Variants in LMO7 observed in about 807,000 individuals in gnomAD.
LMO7 encodes the protein LIM domain 7.
A neutral mutation model predicts 206.5 loss-of-function variants in LMO7; 120 were observed. The observed-to-expected ratio is 0.58, with a 90% CI of 0.50 to 0.68. The LOEUF (loss-of-function observed/expected upper bound fraction) is 0.68. Among genes scored for constraint, LMO7 ranks in the 30% least tolerant of loss-of-function variants. The probability of loss-of-function intolerance (pLI) is 0.00; values close to 1 mark genes in which losing one functional copy is unlikely to be tolerated. For missense variants in LMO7, 1,959 were observed against 1,957.9 expected, an observed-to-expected ratio of 1.00 and a Z score of -0.01; for synonymous variants, 706 against 681.5, an observed-to-expected ratio of 1.04 and a Z score of -0.56.
chr13:75,836,531 A>G (rs2059139549), intron 19 of LMO7, 74 bp downstream of exon 19: 5 of 787,766 alleles, frequency 6.3e-6, no homozygotes, highest in Admixed American at 3.4e-5. Context: ...TGTTATAAAA[A>G]TTAATATCTG....
At chr13:75,649,148 G>A (rs565481339) in intron 1 of LMO7, among the ~76,000 whole-genome samples, 3 of 152,204 alleles carry the variant, frequency 2.0e-5, no homozygotes, top group Middle Eastern at 3.2e-3. Context: ...TGATCTGAAG[G>A]TAGTAAGAAT....
Position 75,819,450 on chromosome 13 carries a change from AAAG to A in LMO7, c.2127_2129del (p.Glu710del), listed in dbSNP as rs867665543. On this transcript the variant is annotated inframe_deletion, in exon 13 of 31. Transcript: ENST00000377534. ...TTACACTTCAGATCTGCAGAAGAAA[AAAG>A]AAGAGAGAGAAGAAATTGAAAAGCA... 1.9e-6 allele frequency: 3 copies of A among 1,613,386 alleles called. No individual in the cohort carries two copies. Among genetic ancestry groups the A allele is most frequent in the Non-Finnish European group, 2.5e-6 (3 of 1,179,822 alleles).
chr13:75,821,217 A>C lies in LMO7; in HGVS notation c.2248A>C (p.Arg750=), dbSNP rs1488246558. The C allele has an allele frequency of 6.2e-7, 1 of 1,612,012 alleles. No homozygotes were observed. The highest frequency in any genetic ancestry group is 1.3e-5 in the African/African-American group (1 of 74,794). Residue 750 remains arginine (R), a synonymous_variant, in exon 14 of 31, where the codon AGA becomes CGA. Coordinates refer to ENST00000377534, the MANE Select transcript of LMO7 (RefSeq NM_001306080.2). ...NQKSTVPSRR[R]MYSFDDVLEE... is the part of the protein sequence containing the mutation. ...AAAGTCTACAGTTCCGTCAAGAAGG[A>C]GAATGTATTCTTTTGATGATGTGCT...
intron 7 of LMO7, among the ~76,000 whole-genome samples, chr13:75,803,514 T>C (rs2140983099): frequency 6.6e-6 from 1 of 152,346 alleles, no homozygotes; most frequent in African/African-American, 2.4e-5. Flanking sequence ...TTTTCTTCCT[T>C]TGTCTTTAAA....
At chr13:75,750,056 AT>A (rs894316313) in intron 3 of LMO7, among the ~76,000 whole-genome samples, 2 of 151,918 alleles carry the variant, frequency 1.3e-5, no homozygotes, top group Admixed American at 1.3e-4. Context: ...AAAATAATAG[AT>A]TAAAAAAAAA....
chr13:75,637,742 C>T (rs2036095154), intron 1 of LMO7, among the ~76,000 whole-genome samples: 1 of 152,112 alleles, frequency 6.6e-6, no homozygotes, highest in South Asian at 2.1e-4. Context: ...ATGTATTTTT[C>T]CTTAAAGAAA....
intron 1 of LMO7, among the ~76,000 whole-genome samples, chr13:75,652,473 T>G (rs1235844374): frequency 6.6e-6 from 1 of 152,196 alleles, no homozygotes; most frequent in Non-Finnish European, 1.5e-5. Flanking sequence ...TCCAAAAGTT[T>G]GTGCAATGTT....
chr13:75,833,606 G>A (rs2058869575), intron 16 of LMO7, among the ~76,000 whole-genome samples: 1 of 152,154 alleles, frequency 6.6e-6, no homozygotes, highest in African/African-American at 2.4e-5. Flanking sequence ...TCTGCAAAAG[G>A]ATTACCCCTC....
Position 75,636,629 on chromosome 13 carries a change from A to T in LMO7, c.-29A>T. ...CAACCCCTCCCCTCCACGCATCCCG[A>T]GTCTCTCTCTCCCTCCCTTGTCCTA... is the stretch of plus-strand genomic sequence containing the variant. On this transcript the variant is annotated 5_prime_UTR_variant, in exon 1 of 31. Transcript: ENST00000377534. The T allele has an allele frequency of 6.4e-7, 1 of 1,565,042 alleles. No individual in the cohort carries two copies. Among genetic ancestry groups the T allele is most frequent in the Non-Finnish European group, 8.7e-7 (1 of 1,155,434 alleles).
intron 6 of LMO7, among the ~76,000 whole-genome samples, chr13:75,798,863 G>A (rs1265856683): frequency 6.6e-6 from 1 of 152,210 alleles, no homozygotes; most frequent in African/African-American, 2.4e-5. Context: ...AACTGAAGTG[G>A]CTGTCATCAA....
At chr13:75,836,329 C>A in intron 18 of LMO7, 68 bp from the exon 19 acceptor site, 1 of 772,148 alleles carries the variant, frequency 1.3e-6, no homozygotes, top group South Asian at 1.7e-5. Flanking sequence ...TTCACTAATG[C>A]GAAATGCATT....
At chr13:75,713,305 TGTGA>T (rs2043270384) in intron 2 of LMO7, 53 bp downstream of exon 2, 1 of 1,348,038 alleles carries the variant, frequency 7.4e-7, no homozygotes, top group Non-Finnish European at 1.0e-6. Flanking sequence ...TATGTGTGTG[TGTGA>T]GTGATGAGGT....
rs761908614 is a variant in LMO7, at chr13:75,713,271, T to C, written c.140+19T>C. On this transcript the variant is annotated intron_variant, in intron 2 of 30. Coordinates refer to ENST00000377534, the MANE Select transcript of LMO7 (RefSeq NM_001306080.2). ...TGTGTGAGTAAGTATTTAAAGTATT[T>C]AAAAAATAATTCAAAAGCAAAGATA... 4 of 1,571,876 alleles carry C rather than the reference T, an allele frequency of 2.5e-6. No homozygotes were observed. The South Asian group carries it at 4.5e-5, about 18-fold the overall frequency.
chr13:75,625,834 A>G (rs566922808), intron 2 of LMO7, among the ~76,000 whole-genome samples: 5 of 152,340 alleles, frequency 3.3e-5, no homozygotes, highest in Admixed American at 3.3e-4. Context: ...ACCTTGTTTC[A>G]TAGGGAATCT....
intron 1 of LMO7, among the ~76,000 whole-genome samples, chr13:75,683,943 T>A (rs185654497): frequency 2.0e-5 from 3 of 152,304 alleles, no homozygotes; most frequent in Admixed American, 1.3e-4. Flanking sequence ...AGCCTCCAGG[T>A]AGCAGGCTTC....
intron 4 of LMO7, among the ~76,000 whole-genome samples, chr13:75,775,536 C>A (rs895043898): frequency 3.3e-5 from 5 of 151,912 alleles, no homozygotes; most frequent in African/African-American, 1.2e-4. Flanking sequence ...AATGTATAAT[C>A]TAAAAAATGG....
In LMO7 at chr13:75,819,390, C is replaced by G; in HGVS notation, c.2065-3C>G. ...GCCCCTGCTGATGTGATTTTTCTGT[C>G]AGGACCTTGCAAAATGGAAAGATCG... On this transcript the variant is annotated splice_region_variant and splice_polypyrimidine_tract_variant and intron_variant, in intron 12 of 30. Coordinates refer to ENST00000377534, the MANE Select transcript of LMO7 (RefSeq NM_001306080.2). 1 of 1,598,832 alleles carries G rather than the reference C, an allele frequency of 6.3e-7. No homozygotes were observed. Among genetic ancestry groups the G allele is most frequent in the Non-Finnish European group, 8.5e-7 (1 of 1,174,784 alleles).
intron 1 of LMO7, among the ~76,000 whole-genome samples, chr13:75,678,812 G>A (rs1269577499): frequency 6.6e-6 from 1 of 152,088 alleles, no homozygotes; most frequent in Non-Finnish European, 1.5e-5. Context: ...CATGATTAAC[G>A]TTTGTTTTAA....
intron 11 of LMO7, among the ~76,000 whole-genome samples, chr13:75,813,077 G>A (rs1301303157): frequency 1.3e-5 from 2 of 152,310 alleles, no homozygotes; most frequent in East Asian, 1.9e-4. Context: ...CTAGGGCTTC[G>A]CCTCTGAGAT....
Sources: allele counts gnomAD v4.1 joint callset (sites outside exome capture counted in the v4.1 genomes callset), GRCh38; gene constraint gnomAD v4.1.1; transcripts MANE v1.5; gene names NCBI Gene and HGNC (gene_info 2026-07-23, HGNC 2026-07-21).